GRM8: variants seen among roughly 807,000 people sequenced by gnomAD.
GRM8 encodes the protein metabotropic glutamate receptor 8.
A neutral mutation model predicts 87.2 loss-of-function variants in GRM8; 47 were observed. That is an observed-to-expected ratio of 0.54 (90% CI 0.43 to 0.69). The LOEUF (loss-of-function observed/expected upper bound fraction) is 0.69. Among genes scored for constraint, GRM8 ranks in the 30% least tolerant of loss-of-function variants. The pLI is 0.00. For synonymous variants in GRM8, 396 were observed against 404.5 expected (o/e 0.98, Z 0.25); for missense variants, 1,019 against 1,139.2 (o/e 0.89, Z 1.52).
chr7:126,534,005 A>T, intron 8 of GRM8, 118 bp from the exon 9 acceptor site: 1 of 744,362 alleles, frequency 1.3e-6, no homozygotes, highest in Non-Finnish European at 2.2e-6. Flanking sequence ...AGTTTACCAT[A>T]ATAAGAGTCT....
At chr7:126,964,349 G>A (rs1390143574) in intron 3 of GRM8, among the ~76,000 whole-genome samples, 1 of 152,152 alleles carries the variant, frequency 6.6e-6, no homozygotes, top group Admixed American at 6.5e-5. Flanking sequence ...CACAGCAGAA[G>A]AAACTATCAT....
At chr7:126,657,801 G>A (rs2402821) in intron 7 of GRM8, among the ~76,000 whole-genome samples, 105,299 of 152,088 alleles carry the variant, frequency 0.69, 37,335 homozygotes, top group African/African-American at 0.85. Flanking sequence ...TGGGGGTGGA[G>A]TGAGTGGGGA....
Position 126,532,788 on chromosome 7 carries a change from T to G in GRM8, c.2430+164A>C, listed in dbSNP as rs1584967262. On this transcript the variant is annotated intron_variant, in intron 9 of 10. Coordinates refer to ENST00000339582, the MANE Select transcript of GRM8 (RefSeq NM_000845.3). Reference sequence around the variant, plus strand: ...AGATATATATATATATATATATATATATATATATATATATATATATATATA... The same window carrying G: ...AGATATATATATATATATATATATAGATATATATATATATATATATATATA... Among the ~76,000 whole-genome samples the G allele has an allele frequency of 9.9e-5, 2 of 20,242 alleles. 1 individual carries two copies. The highest frequency in any genetic ancestry group is 7.4e-4 in the Admixed American group (2 of 2,696). The allele number at this position is 20,242 out of a possible 152,430, so 13.3% of individuals were successfully genotyped here.
At chr7:126,807,591 A>G (rs1055561654) in intron 6 of GRM8, among the ~76,000 whole-genome samples, 2 of 151,700 alleles carry the variant, frequency 1.3e-5, no homozygotes, top group African/African-American at 2.4e-5. Context: ...CCCCTTCATT[A>G]TATTATCTCT....
At chr7:126,565,299 C>G (rs889584146) in intron 8 of GRM8, among the ~76,000 whole-genome samples, 1 of 151,942 alleles carries the variant, frequency 6.6e-6, no homozygotes, top group African/African-American at 2.4e-5. Flanking sequence ...ACTCTAAAGA[C>G]TCAATTATTA....
chr7:126,692,247 T>A (rs3808153), intron 7 of GRM8, among the ~76,000 whole-genome samples: 9,489 of 152,294 alleles, frequency 0.062, 618 homozygotes, highest in East Asian at 0.32. Context: ...TATAAACACA[T>A]TCTTGAGTAC....
intron 6 of GRM8, among the ~76,000 whole-genome samples, chr7:126,775,529 G>C (rs943001788): frequency 3.6e-5 from 5 of 139,662 alleles, no homozygotes; most frequent in African/African-American, 5.8e-5. Flanking sequence ...AACTGATTTG[G>C]GTTCCAGGAT....
chr7:126,626,099 G>A (rs186386816), intron 7 of GRM8, among the ~76,000 whole-genome samples: 3,129 of 86,970 alleles, frequency 0.036, 123 homozygotes, highest in African/African-American at 0.1. Context: ...ATATATGAGA[G>A]AAGTGTGTGT....
At chr7:126,878,088 C>T (rs887371194) in intron 6 of GRM8, among the ~76,000 whole-genome samples, 1 of 152,162 alleles carries the variant, frequency 6.6e-6, no homozygotes, top group African/African-American at 2.4e-5. Flanking sequence ...CATGCCCTTA[C>T]CCAGGGGAAC....
At position 126,440,254 on chromosome 7, in the gene GRM8, A is replaced by C. The variant is rs143076459; in HGVS notation, c.2678-1086T>G. ...TGGTGAAATCCTGTGTCTACTAAAA[A>C]TACAAAAATTAGCCGAGCATAGTGG... On this transcript the variant is annotated intron_variant, in intron 10 of 10. Coordinates refer to ENST00000339582, the MANE Select transcript of GRM8 (RefSeq NM_000845.3). Among the ~76,000 whole-genome samples the C allele has an allele frequency of 3.8e-4, 58 of 151,928 alleles. No individual in the cohort carries two copies. The South Asian group carries it at 5.6e-3, about 15-fold the overall frequency.
intron 6 of GRM8, among the ~76,000 whole-genome samples, chr7:126,851,139 G>C (rs917439551): frequency 6.6e-6 from 1 of 151,956 alleles, no homozygotes; most frequent in African/African-American, 2.4e-5. Flanking sequence ...ATCCTTTCCA[G>C]TTATTCAGAC....
chr7:126,503,714 C>T (rs950443327), intron 9 of GRM8, among the ~76,000 whole-genome samples: 1 of 151,946 alleles, frequency 6.6e-6, no homozygotes, highest in Non-Finnish European at 1.5e-5. Context: ...GAGATAGTTG[C>T]CACTCACCAA....
intron 7 of GRM8, among the ~76,000 whole-genome samples, chr7:126,714,765 C>A (rs1811528924): frequency 6.6e-6 from 1 of 151,954 alleles, no homozygotes; most frequent in Admixed American, 6.6e-5. Context: ...CTGCTGTTGA[C>A]CAGAAGCCTT....
chr7:126,444,436 T>C (rs917049392), intron 10 of GRM8, among the ~76,000 whole-genome samples: 2 of 152,122 alleles, frequency 1.3e-5, no homozygotes, highest in Admixed American at 6.6e-5. Context: ...GTTTCATGTT[T>C]GCAGAAAGGT....
chr7:127,090,356 C>T (rs1038994570), intron 3 of GRM8, among the ~76,000 whole-genome samples: 9 of 152,198 alleles, frequency 5.9e-5, no homozygotes, highest in African/African-American at 2.2e-4. Context: ...TTCATCAGGG[C>T]CTGGAGTCAT....
intron 2 of GRM8, chr7:127,228,962 C>T (rs758009900): frequency 4.6e-5 from 7 of 152,140 alleles, no homozygotes; most frequent in Non-Finnish European, 5.9e-5. Context: ...AACATCATAA[C>T]ATTTTTTAAA....
intron 2 of GRM8, among the ~76,000 whole-genome samples, chr7:127,201,246 T>C (rs1040561270): frequency 1.3e-5 from 2 of 152,182 alleles, no homozygotes; most frequent in African/African-American, 4.8e-5. Flanking sequence ...TCATGAGTTG[T>C]CTTATTTGAT....
At chr7:127,070,114 T>C (rs1344920631) in intron 3 of GRM8, among the ~76,000 whole-genome samples, 1 of 151,972 alleles carries the variant, frequency 6.6e-6, no homozygotes, top group African/African-American at 2.4e-5. Flanking sequence ...TTTCAACATC[T>C]AACTTGTCTT....
chr7:126,439,825 A>AGTGTGTGTGTGTGTGTGT (rs57638512), intron 10 of GRM8, among the ~76,000 whole-genome samples: 11,474 of 142,462 alleles, frequency 0.081, 653 homozygotes, highest in East Asian at 0.17. Context: ...GGCCTAGGCT[A>AGTGTGTGTGTGTGTGTGT]GTGTGTGTGT....
Sources: gnomAD v4.1 joint callset for allele counts (sites outside exome capture counted in the v4.1 genomes callset) on GRCh38, gnomAD v4.1.1 for gene constraint, MANE v1.5 for transcripts, NCBI Gene and HGNC (gene_info 2026-07-23, HGNC 2026-07-21) for gene names.